Variants in UNC13C observed in about 807,000 individuals in gnomAD.
UNC13C encodes the protein unc-13 homolog C, also known as protein unc-13 homolog C.
UNC13C carries 174 observed loss-of-function variants against 245.4 expected under a neutral mutation model. That is an observed-to-expected ratio of 0.71 (90% CI 0.63 to 0.80). The LOEUF is 0.80. UNC13C is among the 30% of genes least tolerant of loss of function. The pLI, the probability that UNC13C is intolerant of heterozygous loss-of-function variation, is 0.00. For synonymous variants in UNC13C, 992 were observed against 895.1 expected (o/e 1.11, Z -1.93); for missense variants, 2,829 against 2,602.9 (o/e 1.09, Z -1.89).
In UNC13C at chr15:54,625,667, G is replaced by A. The variant is rs1050362316; in HGVS notation, c.6360-1161G>A. Among the ~76,000 whole-genome samples, 27 of 152,020 alleles carry A rather than the reference G, an allele frequency of 1.8e-4. 1 individual carries two copies. Among genetic ancestry groups the A allele is most frequent in the Admixed American group, 9.2e-4 (14 of 15,242 alleles). On this transcript the variant is annotated intron_variant, in intron 32 of 32. Coordinates refer to ENST00000260323, the MANE Select transcript of UNC13C (RefSeq NM_001080534.3). Reference sequence around the variant, plus strand: ...TTTTTGTTCATGATTTCCTATAGTCGTTTCAGCACTCTGCTCTGAATATTT... The same window carrying A: ...TTTTTGTTCATGATTTCCTATAGTCATTTCAGCACTCTGCTCTGAATATTT...
At chr15:54,011,756 A>C (rs770785182) in intron 1 of UNC13C, among the ~76,000 whole-genome samples, 1 of 152,084 alleles carries the variant, frequency 6.6e-6, no homozygotes, top group Non-Finnish European at 1.5e-5. Flanking sequence ...CTCCTCTTCT[A>C]TGCTCCCCTT....
chr15:54,458,408 C>G (rs1891651365), intron 19 of UNC13C, among the ~76,000 whole-genome samples: 1 of 151,988 alleles, frequency 6.6e-6, no homozygotes, highest in African/African-American at 2.4e-5. Flanking sequence ...TCCATTTGTT[C>G]TAGGGTATAA....
At chr15:54,152,606 G>A (rs1386422237) in intron 4 of UNC13C, among the ~76,000 whole-genome samples, 1 of 152,072 alleles carries the variant, frequency 6.6e-6, no homozygotes, top group Non-Finnish European at 1.5e-5. Context: ...CCTTTATGAA[G>A]GCAGTGTTTG....
intron 2 of UNC13C, among the ~76,000 whole-genome samples, chr15:54,029,625 C>A (rs1896271381): frequency 6.6e-6 from 1 of 152,062 alleles, no homozygotes; most frequent in Non-Finnish European, 1.5e-5. Context: ...CTAATTATTA[C>A]CTATTCATTA....
intron 2 of UNC13C, among the ~76,000 whole-genome samples, chr15:54,018,122 A>G (rs1358015851): frequency 2.0e-5 from 3 of 152,164 alleles, no homozygotes; most frequent in Admixed American, 6.5e-5. Context: ...AAGGAAGGAC[A>G]GCCAAAGAAG....
the UNC13C span, among the ~76,000 whole-genome samples, chr15:53,850,386 G>A: frequency 6.6e-6 from 1 of 152,062 alleles, no homozygotes; most frequent in South Asian, 2.1e-4. Context: ...CTGCATTCCA[G>A]CCTAGGTAAC....
At chr15:54,576,584 G>A (rs1034026116) in intron 30 of UNC13C, among the ~76,000 whole-genome samples, 14 of 152,166 alleles carry the variant, frequency 9.2e-5, no homozygotes, top group Admixed American at 5.9e-4. Flanking sequence ...AGGAACTGAC[G>A]TTGTAGAAAT....
chr15:53,894,055 T>A, the UNC13C span, among the ~76,000 whole-genome samples: 4 of 152,160 alleles, frequency 2.6e-5, no homozygotes, highest in Admixed American at 2.6e-4. Context: ...ACACAGTTCC[T>A]CAGGCTCCTT....
chr15:54,597,211 C>T (rs759127297), intron 30 of UNC13C, among the ~76,000 whole-genome samples: 6 of 152,098 alleles, frequency 3.9e-5, no homozygotes, highest in African/African-American at 9.7e-5. Context: ...ACTTGCCTGC[C>T]GCTTATCTCC....
intron 17 of UNC13C, among the ~76,000 whole-genome samples, chr15:54,383,552 G>A (rs758599489): frequency 1.1e-4 from 16 of 151,936 alleles, no homozygotes; most frequent in Non-Finnish European, 1.3e-4. Context: ...ATAAACCCAC[G>A]CTAACATCAT....
At chr15:54,216,798 C>T (rs569550965) in intron 4 of UNC13C, among the ~76,000 whole-genome samples, 41 of 151,958 alleles carry the variant, frequency 2.7e-4, no homozygotes, top group South Asian at 2.7e-3. Flanking sequence ...ATTGTTGTTC[C>T]GCTGAGGGTA....
intron 10 of UNC13C, among the ~76,000 whole-genome samples, chr15:54,283,608 T>C (rs1307172956): frequency 6.6e-6 from 1 of 152,142 alleles, no homozygotes; most frequent in Non-Finnish European, 1.5e-5. Flanking sequence ...GTGGAATATA[T>C]TTATACATTT....
chr15:54,382,484 G>A (rs1005356488), intron 17 of UNC13C, among the ~76,000 whole-genome samples: 1 of 152,092 alleles, frequency 6.6e-6, no homozygotes, highest in Non-Finnish European at 1.5e-5. Flanking sequence ...AGCTACTCAG[G>A]AGGCTGAGGT....
At chr15:54,298,450 A>G (rs187125404) in intron 12 of UNC13C, among the ~76,000 whole-genome samples, 2 of 152,184 alleles carry the variant, frequency 1.3e-5, no homozygotes, top group African/African-American at 4.8e-5. Context: ...TGTAATAAGC[A>G]GTTAATTTTT....
At chr15:54,237,499 C>A (rs1049558319) in intron 6 of UNC13C, 120 bp from the exon 7 acceptor site, 16 of 773,848 alleles carry the variant, frequency 2.1e-5, no homozygotes, top group Admixed American at 1.2e-4. Context: ...AATGGCAGGT[C>A]CTTACTAACT....
intron 4 of UNC13C, among the ~76,000 whole-genome samples, chr15:54,179,585 TGAAA>T (rs1308825295): frequency 6.6e-6 from 1 of 151,984 alleles, no homozygotes; most frequent in African/African-American, 2.4e-5. Flanking sequence ...AAGGAAGCTC[TGAAA>T]GAAAGAATAC....
intron 2 of UNC13C, among the ~76,000 whole-genome samples, chr15:54,114,651 C>T (rs574784532): frequency 5.3e-5 from 8 of 152,194 alleles, no homozygotes; most frequent in African/African-American, 1.4e-4. Flanking sequence ...ATGCAGTAAA[C>T]ATATTTCTAC....
chr15:54,459,166 A>G (rs2141022519), intron 19 of UNC13C, among the ~76,000 whole-genome samples: 1 of 152,292 alleles, frequency 6.6e-6, no homozygotes, highest in South Asian at 2.1e-4. Flanking sequence ...GTTTCTCTGG[A>G]TAAAACATTC....
At chr15:54,612,239 G>T (rs1303180847) in intron 30 of UNC13C, among the ~76,000 whole-genome samples, 1 of 151,550 alleles carries the variant, frequency 6.6e-6, no homozygotes, top group Non-Finnish European at 1.5e-5. Flanking sequence ...CTAGCATTAG[G>T]TGGTTGTATT....
Sources: gnomAD v4.1 joint callset for allele counts (sites outside exome capture counted in the v4.1 genomes callset) on GRCh38, gnomAD v4.1.1 for gene constraint, MANE v1.5 for transcripts, NCBI Gene and HGNC (gene_info 2026-07-23, HGNC 2026-07-21) for gene names.